The following MLLT1 variants were observed in gnomAD, a reference collection of about 807,000 sequenced individuals.
MLLT1 encodes MLLT1 super elongation complex subunit.
In MLLT1, 11 loss-of-function variants were observed where a neutral mutation model predicts 55.1. That is an observed-to-expected ratio of 0.20 (90% CI 0.13 to 0.33). MLLT1 has a LOEUF of 0.33. Among genes scored for constraint, MLLT1 ranks in the 10% least tolerant of loss-of-function variants. The pLI is 1.00. For synonymous variants in MLLT1, 323 were observed against 320.1 expected (o/e 1.01, Z -0.10); for missense variants, 536 against 760.6 (o/e 0.70, Z 3.47).
At position 6,269,887 on chromosome 19, in the gene MLLT1, C is replaced by T. The variant is rs564469729; in HGVS notation, c.193+692G>A. Among the ~76,000 whole-genome samples the T allele has an allele frequency of 9.2e-5, 14 of 152,330 alleles. No homozygotes were observed. The East Asian group carries it at 1.9e-3, about 21-fold the overall frequency. On this transcript the variant is annotated intron_variant, in intron 2 of 11. Coordinates refer to ENST00000252674, the MANE Select transcript of MLLT1 (RefSeq NM_005934.4). ...TCCGGGCTTCACACTGGCGACTCAG[C>T]GGTAAGAAAAGTAGACGCGGCCCCA...
rs1403064439 is a variant in MLLT1, at chr19:6,214,057, G to T, written c.1308-19C>A. The T allele has an allele frequency of 7.1e-7, 1 of 1,398,654 alleles. No homozygotes were observed. Among genetic ancestry groups the T allele is most frequent in the East Asian group, 2.6e-5 (1 of 38,008 alleles). 86.6% of individuals were successfully genotyped at this position (1,398,654 alleles called of 1,614,324 possible). On this transcript the variant is annotated intron_variant, in intron 8 of 11. Coordinates refer to ENST00000252674, the MANE Select transcript of MLLT1 (RefSeq NM_005934.4). ...GCTCAACCTGAACCGACACACGGGG[G>T]CGCATCAGGCCCCTGCCGCCACCAC...
chr19:6,223,963 T>A (rs3787066), intron 5 of MLLT1, among the ~76,000 whole-genome samples: 2 of 151,912 alleles, frequency 1.3e-5, no homozygotes, highest in African/African-American at 4.8e-5. Context: ...AGCAGCCAGA[T>A]CCCGAAGGCC....
intron 3 of MLLT1, among the ~76,000 whole-genome samples, chr19:6,254,992 A>C (rs2144926044): frequency 6.6e-6 from 1 of 151,912 alleles, no homozygotes; most frequent in Non-Finnish European, 1.5e-5. Flanking sequence ...AAAAAAAAAA[A>C]ACAACACCCT....
chr19:6,240,053 G>A lies in MLLT1; in HGVS notation c.277-9340C>T, dbSNP rs549497994. On this transcript the variant is annotated intron_variant, in intron 3 of 11. Transcript: ENST00000252674. The surrounding 1 kb of genome is among the most constrained non-coding windows in gnomAD (Gnocchi z 4.7). ...ACTGGCTCACTGTGTGACCCTGGAC[G>A]GGCTGCTGCACCTCTCTGAGCCTCA... Among the ~76,000 whole-genome samples, 1 of 152,228 alleles carries A rather than the reference G, an allele frequency of 6.6e-6. No individual in the cohort carries two copies. The highest frequency in any genetic ancestry group is 2.4e-5 in the African/African-American group (1 of 41,548).
At chr19:6,224,579 C>T (rs1368069019) in intron 5 of MLLT1, among the ~76,000 whole-genome samples, 1 of 152,240 alleles carries the variant, frequency 6.6e-6, no homozygotes, top group African/African-American at 2.4e-5. Context: ...GCCCCTAACA[C>T]AGGTCTCACT....
intron 3 of MLLT1, among the ~76,000 whole-genome samples, chr19:6,261,441 AG>A (rs1335472018): frequency 2.0e-5 from 3 of 152,168 alleles, no homozygotes; most frequent in African/African-American, 7.2e-5. Flanking sequence ...CCGGGGACTC[AG>A]TAACCAAGCG....
At chr19:6,255,268 G>T (rs941830744) in intron 3 of MLLT1, among the ~76,000 whole-genome samples, 3 of 152,090 alleles carry the variant, frequency 2.0e-5, no homozygotes, top group African/African-American at 7.2e-5. Context: ...CGAGGTGGGC[G>T]GATCACTTGA....
At chr19:6,269,657 C>T (rs571964860) in intron 2 of MLLT1, among the ~76,000 whole-genome samples, 1 of 152,290 alleles carries the variant, frequency 6.6e-6, no homozygotes, top group Admixed American at 6.5e-5. Context: ...GAAGCTCTTG[C>T]TTCAACCTAA....
intron 2 of MLLT1, among the ~76,000 whole-genome samples, chr19:6,266,831 A>C (rs1287029568): frequency 6.6e-6 from 1 of 152,198 alleles, no homozygotes; most frequent in East Asian, 1.9e-4. Context: ...AAACCAAAAC[A>C]CAGGCCGATA....
Position 6,210,721 on chromosome 19 carries a change from C to T in MLLT1, c.*2321G>A, listed in dbSNP as rs1342711435. On this transcript the variant is annotated 3_prime_UTR_variant, in exon 12 of 12. Transcript: ENST00000252674. This position sits in a 1 kb window ranked among gnomAD's most constrained non-coding sequence, Gnocchi z 4.6. Reference sequence around the variant, plus strand: ...GGAAACACGTGGCAATCACAAAGTGCCAGGCCCCTTTCCTATGGAAGTGTC... The same window carrying T: ...GGAAACACGTGGCAATCACAAAGTGTCAGGCCCCTTTCCTATGGAAGTGTC... 2 of 230,028 alleles carry T rather than the reference C, an allele frequency of 8.7e-6. No homozygotes were observed. Among genetic ancestry groups the T allele is most frequent in the Non-Finnish European group, 1.7e-5 (2 of 116,100 alleles). 14.2% of individuals were successfully genotyped at this position (230,028 alleles called of 1,614,324 possible).
rs2233186 is a variant in MLLT1, at chr19:6,230,740, G to T, written c.277-27C>A. ...TGAAACAGAGAAAACAAGAAAGTCTGCATCAGAGGGTGGCCGTGGTGCAGG... is the reference window on the plus strand; with the variant it reads ...TGAAACAGAGAAAACAAGAAAGTCTTCATCAGAGGGTGGCCGTGGTGCAGG... On this transcript the variant is annotated intron_variant, in intron 3 of 11. Transcript: ENST00000252674. The surrounding 1 kb of genome is among the most constrained non-coding windows in gnomAD (Gnocchi z 9.0). The T allele has an allele frequency of 3.2e-3, 5,160 of 1,612,552 alleles. 102 individuals carry two copies. In the African/African-American group the frequency reaches 0.046, roughly 14 times the overall value.
intron 1 of MLLT1, among the ~76,000 whole-genome samples, chr19:6,272,555 A>C (rs2091403894): frequency 6.6e-6 from 1 of 152,206 alleles, no homozygotes; most frequent in Non-Finnish European, 1.5e-5. Context: ...GCCTGTGGAC[A>C]GCTCCACGGG....
intron 3 of MLLT1, among the ~76,000 whole-genome samples, chr19:6,260,786 C>T (rs572633942): frequency 1.3e-5 from 2 of 152,350 alleles, no homozygotes; most frequent in East Asian, 1.9e-4. Context: ...GTTGAGGATA[C>T]AGTGAGCTAT....
intron 8 of MLLT1, among the ~76,000 whole-genome samples, chr19:6,215,143 T>A (rs1243751264): frequency 1.3e-5 from 2 of 151,702 alleles, no homozygotes; most frequent in Non-Finnish European, 2.9e-5. Flanking sequence ...GCTCCGACGG[T>A]GTGGCCTGGG....
intron 3 of MLLT1, among the ~76,000 whole-genome samples, chr19:6,246,694 T>G (rs896056370): frequency 1.3e-5 from 2 of 152,074 alleles, no homozygotes; most frequent in Non-Finnish European, 2.9e-5. Flanking sequence ...AGAGTCCCGG[T>G]AGATACACGA....
Position 6,212,528 on chromosome 19 carries a change from C to T in MLLT1, c.*514G>A, listed in dbSNP as rs965428007. On this transcript the variant is annotated 3_prime_UTR_variant, in exon 12 of 12. Coordinates refer to ENST00000252674, the MANE Select transcript of MLLT1 (RefSeq NM_005934.4). ...CTATACAGCACAGACCCCAGCGCAG[C>T]GCGAGCCGGGGAGGAGCCGGCGCTA... The T allele has an allele frequency of 1.5e-5, 16 of 1,080,488 alleles. No homozygotes were observed. The highest frequency in any genetic ancestry group is 4.9e-5 in the African/African-American group (3 of 61,130). The allele number at this position is 1,080,488 out of a possible 1,614,324, so 66.9% of individuals were successfully genotyped here.
chr19:6,212,140 C>T lies in MLLT1; in HGVS notation c.*902G>A, dbSNP rs979962061. On this transcript the variant is annotated 3_prime_UTR_variant, in exon 12 of 12. Transcript: ENST00000252674. The stretch of plus-strand genomic sequence containing the variant: ...GGGAGGAGGCCGAGCCCCAGGGCGG[C>T]TGATGCGAGTCTGTCCGCGGAGACT... The T allele has an allele frequency of 2.8e-6, 3 of 1,066,408 alleles. No homozygotes were observed. The highest frequency in any genetic ancestry group is 3.3e-5 in the African/African-American group (2 of 61,096). The allele number at this position is 1,066,408 out of a possible 1,614,324, so 66.1% of individuals were successfully genotyped here.
chr19:6,237,662 G>A (rs868441023), intron 3 of MLLT1, among the ~76,000 whole-genome samples: 19 of 151,506 alleles, frequency 1.3e-4, no homozygotes, highest in African/African-American at 2.7e-4. Flanking sequence ...CCAGCTACTC[G>A]GGAGGCTGAG....
At position 6,219,693 on chromosome 19, in the gene MLLT1, A is replaced by G. The variant is rs1208839441; in HGVS notation, c.1111-1652T>C. On this transcript the variant is annotated intron_variant, in intron 6 of 11. Transcript: ENST00000252674. This position sits in a 1 kb window ranked among gnomAD's most constrained non-coding sequence, Gnocchi z 4.5. The stretch of plus-strand genomic sequence containing the variant: ...AGGGAGGTGGACTGGAGAAGTATCC[A>G]AGGTCCTGGCCCCATATCCCATGCA... Among the ~76,000 whole-genome samples, 1 of 152,188 alleles carries G rather than the reference A, an allele frequency of 6.6e-6. No individual in the cohort carries two copies. The highest frequency in any genetic ancestry group is 6.5e-5 in the Admixed American group (1 of 15,282).
Sources: allele counts gnomAD v4.1 joint callset (sites outside exome capture counted in the v4.1 genomes callset), GRCh38; gene constraint gnomAD v4.1.1; non-coding constraint Gnocchi (gnomAD v3.1); transcripts MANE v1.5; gene names NCBI Gene and HGNC (gene_info 2026-07-23, HGNC 2026-07-21).